The following AUTS2 variants were observed in gnomAD, a reference collection of about 807,000 sequenced individuals.
The protein encoded by AUTS2 is activator of transcription and developmental regulator AUTS2, also known as autism susceptibility gene 2 protein.
A neutral mutation model predicts 112.4 loss-of-function variants in AUTS2; 17 were observed. The observed-to-expected ratio is 0.15, with a 90% CI of 0.10 to 0.23. AUTS2 has a LOEUF of 0.23. Among genes scored for constraint, AUTS2 ranks in the 10% least tolerant of loss-of-function variants. The pLI is 1.00. For synonymous variants in AUTS2, 751 were observed against 702.7 expected (o/e 1.07, Z -1.09); for missense variants, 1,510 against 1,701.6 (o/e 0.89, Z 1.98).
At chr7:70,444,419 C>T (rs1226565759) in intron 5 of AUTS2, among the ~76,000 whole-genome samples, 1 of 150,342 alleles carries the variant, frequency 6.7e-6, no homozygotes, top group Non-Finnish European at 1.5e-5. Context: ...TTGACAACTC[C>T]TGGATGGCAA....
chr7:69,980,045 A>C (rs1015116523), intron 2 of AUTS2, among the ~76,000 whole-genome samples: 3 of 152,154 alleles, frequency 2.0e-5, no homozygotes, highest in Admixed American at 2.0e-4. Context: ...TCTCTTCTCC[A>C]CATGGTACCA....
intron 6 of AUTS2, among the ~76,000 whole-genome samples, chr7:70,748,008 T>TTTTTTTTG (rs1475964216): frequency 1.4e-5 from 2 of 146,594 alleles, no homozygotes; most frequent in Non-Finnish European, 3.0e-5. Flanking sequence ...TTTTTTTTTT[T>TTTTTTTTG]TAGTAGAGAT....
intron 4 of AUTS2, among the ~76,000 whole-genome samples, chr7:70,342,132 T>TCC (rs1381022919): frequency 1.3e-5 from 2 of 152,078 alleles, no homozygotes; most frequent in Non-Finnish European, 2.9e-5. Context: ...GCTTTGCCTG[T>TCC]CCTCTCTCTC....
chr7:69,841,125 A>G (rs758757946), intron 1 of AUTS2, among the ~76,000 whole-genome samples: 2 of 152,216 alleles, frequency 1.3e-5, no homozygotes, highest in Non-Finnish European at 2.9e-5. Flanking sequence ...ATCACCAACA[A>G]TTTATGCCAA....
At chr7:69,673,511 G>A (rs554657530) in intron 1 of AUTS2, among the ~76,000 whole-genome samples, 1 of 152,338 alleles carries the variant, frequency 6.6e-6, no homozygotes, top group African/African-American at 2.4e-5. Flanking sequence ...TGGATGTTCA[G>A]GCCTATTGCT....
intron 2 of AUTS2, among the ~76,000 whole-genome samples, chr7:70,032,417 CCTT>C (rs1174268427): frequency 1.3e-5 from 2 of 152,036 alleles, no homozygotes; most frequent in Non-Finnish European, 2.9e-5. Flanking sequence ...AAGAACAAAA[CCTT>C]CTCATAAAAA....
intron 4 of AUTS2, among the ~76,000 whole-genome samples, chr7:70,306,827 A>C (rs1324925789): frequency 6.6e-6 from 1 of 152,242 alleles, no homozygotes; most frequent in Non-Finnish European, 1.5e-5. Flanking sequence ...GAAATCTGCA[A>C]ACCTTGGCAA....
intron 1 of AUTS2, among the ~76,000 whole-genome samples, chr7:69,701,996 CA>C (rs1308576850): frequency 6.6e-6 from 1 of 152,180 alleles, no homozygotes; most frequent in African/African-American, 2.4e-5. Flanking sequence ...AGGTTCAGAT[CA>C]CATACTTCTA....
intron 4 of AUTS2, among the ~76,000 whole-genome samples, chr7:70,347,124 A>G (rs1246319631): frequency 6.6e-6 from 1 of 152,060 alleles, no homozygotes; most frequent in Non-Finnish European, 1.5e-5. Flanking sequence ...CTCCGTTTAC[A>G]CTGTCTCTTC....
intron 2 of AUTS2, among the ~76,000 whole-genome samples, chr7:69,912,544 C>G (rs1795405805): frequency 6.6e-6 from 1 of 152,188 alleles, no homozygotes; most frequent in South Asian, 2.1e-4. Context: ...CCATGGTTCT[C>G]CAGATAGACT....
chr7:70,733,675 C>T (rs1563160041), intron 6 of AUTS2, among the ~76,000 whole-genome samples: 1 of 152,054 alleles, frequency 6.6e-6, no homozygotes, highest in African/African-American at 2.4e-5. Flanking sequence ...CAACCTCCGC[C>T]TCCAGGGTTC....
chr7:70,580,513 A>G (rs917062947), intron 5 of AUTS2, among the ~76,000 whole-genome samples: 2 of 152,170 alleles, frequency 1.3e-5, no homozygotes, highest in Non-Finnish European at 2.9e-5. Context: ...CTCCTGTGGA[A>G]AAACAGTTCC....
At chr7:70,089,735 G>A (rs1248643020) in intron 2 of AUTS2, among the ~76,000 whole-genome samples, 3 of 152,046 alleles carry the variant, frequency 2.0e-5, no homozygotes, top group Admixed American at 2.0e-4. Context: ...AAGGCCGGGA[G>A]CAGTGTCTCA....
chr7:70,251,622 C>T (rs911153818), intron 4 of AUTS2, among the ~76,000 whole-genome samples: 1 of 152,148 alleles, frequency 6.6e-6, no homozygotes, highest in African/African-American at 2.4e-5. Flanking sequence ...GTTAGACCTT[C>T]TTTCTCACTG....
rs543213626 is a variant in AUTS2 at position 70,760,238 on chromosome 7, C to A, written c.743-2632C>A. 1.4e-3 allele frequency among the ~76,000 whole-genome samples: 218 copies of A among 152,312 alleles called. 1 individual carries two copies. The highest frequency in any genetic ancestry group is 1.7e-3 in the Non-Finnish European group (117 of 68,028). ...GCCAGGATGGTCTCGATCTCCTGAC[C>A]TCGTGATCCGCCCGCCTTGGCCTCC... On this transcript the variant is annotated intron_variant, in intron 6 of 18. Transcript: ENST00000342771.
intron 6 of AUTS2, among the ~76,000 whole-genome samples, chr7:70,737,883 C>G (rs1787864218): frequency 6.6e-6 from 1 of 152,090 alleles, no homozygotes; most frequent in African/African-American, 2.4e-5. Flanking sequence ...AAATATAATG[C>G]AGACTAATTA....
At chr7:70,002,743 G>A (rs1046089326) in intron 2 of AUTS2, among the ~76,000 whole-genome samples, 3 of 152,014 alleles carry the variant, frequency 2.0e-5, no homozygotes, top group African/African-American at 4.8e-5. Context: ...TTTATGTACC[G>A]GACTGTACTT....
chr7:70,327,654 C>T (rs897594795), intron 4 of AUTS2, among the ~76,000 whole-genome samples: 1 of 152,118 alleles, frequency 6.6e-6, no homozygotes, highest in African/African-American at 2.4e-5. Flanking sequence ...TCCTGTAATC[C>T]ATGGATTTGG....
intron 5 of AUTS2, among the ~76,000 whole-genome samples, chr7:70,457,941 GTCC>G (rs890311267): frequency 2.0e-5 from 3 of 152,146 alleles, no homozygotes; most frequent in African/African-American, 7.2e-5. Context: ...GGACTTGTGT[GTCC>G]TCCTCTCGGT....
Sources: gnomAD v4.1 joint callset for allele counts (sites outside exome capture counted in the v4.1 genomes callset) on GRCh38, gnomAD v4.1.1 for gene constraint, MANE v1.5 for transcripts, NCBI Gene and HGNC (gene_info 2026-07-23, HGNC 2026-07-21) for gene names.